Variants in WWOX observed in about 807,000 individuals in gnomAD.
WWOX encodes the protein WW domain containing oxidoreductase, also known as WW domain-containing oxidoreductase.
WWOX carries 69 observed loss-of-function variants against 46.2 expected under a neutral mutation model. The ratio of observed to expected loss-of-function variants is 1.49; its 90% CI spans 1.23 to 1.82. The LOEUF (loss-of-function observed/expected upper bound fraction) is 1.82, where lower values mean the gene tolerates loss of function less well. Among genes scored for constraint, WWOX ranks in the 40% most tolerant of loss-of-function variants. WWOX has a pLI of 0.00. For synonymous variants in WWOX, 359 were observed against 202.6 expected (o/e 1.77, Z -6.56); for missense variants, 919 against 542.6 (o/e 1.69, Z -6.89).
chr16:79,083,514 C>T (rs972649208), intron 8 of WWOX, among the ~76,000 whole-genome samples: 1 of 152,162 alleles, frequency 6.6e-6, no homozygotes, highest in Admixed American at 6.5e-5. Context: ...TCTCACCTGA[C>T]ACAAACGTTT....
At chr16:78,598,686 C>T (rs1002568486) in intron 8 of WWOX, among the ~76,000 whole-genome samples, 1 of 152,146 alleles carries the variant, frequency 6.6e-6, no homozygotes, top group Admixed American at 6.5e-5. Context: ...GAAGCAGGAG[C>T]ATCTCTCCCC....
chr16:78,817,493 A>C (rs1004357089), intron 8 of WWOX, among the ~76,000 whole-genome samples: 1 of 152,206 alleles, frequency 6.6e-6, no homozygotes. Context: ...CATAAGGCAC[A>C]CTGCAAAATA....
intron 8 of WWOX, among the ~76,000 whole-genome samples, chr16:79,182,744 A>G (rs2050937306): frequency 6.6e-6 from 1 of 152,142 alleles, no homozygotes; most frequent in Non-Finnish European, 1.5e-5. Flanking sequence ...TTTACTGCAT[A>G]GTTTTGTTAT....
chr16:78,937,362 C>T (rs746073396), intron 8 of WWOX, among the ~76,000 whole-genome samples: 10 of 150,448 alleles, frequency 6.6e-5, no homozygotes, highest in Non-Finnish European at 1.5e-4. Context: ...CAAAGACATC[C>T]TTTTTCTTTG....
intron 5 of WWOX, among the ~76,000 whole-genome samples, chr16:78,165,257 T>A (rs1458825057): frequency 6.6e-6 from 1 of 152,236 alleles, no homozygotes; most frequent in Non-Finnish European, 1.5e-5. Context: ...ATTCATTCAC[T>A]TTTCATTCAT....
intron 8 of WWOX, among the ~76,000 whole-genome samples, chr16:78,908,228 CA>C (rs1555564903): frequency 6.6e-6 from 1 of 152,042 alleles, no homozygotes; most frequent in Admixed American, 6.6e-5. Flanking sequence ...TTTATCAAGA[CA>C]GGGGGATTGC....
chr16:78,637,731 C>G (rs975297694), intron 8 of WWOX, among the ~76,000 whole-genome samples: 1 of 152,314 alleles, frequency 6.6e-6, no homozygotes, highest in Middle Eastern at 3.4e-3. Context: ...TTGAAAGGAG[C>G]TTTAAACACC....
intron 5 of WWOX, among the ~76,000 whole-genome samples, chr16:78,291,867 G>C (rs1356418855): frequency 6.6e-6 from 1 of 152,038 alleles, no homozygotes; most frequent in Non-Finnish European, 1.5e-5. Context: ...ATGGCCGCCA[G>C]CTGAGGGAGG....
At chr16:78,833,587 A>G (rs1421269115) in intron 8 of WWOX, among the ~76,000 whole-genome samples, 1 of 150,466 alleles carries the variant, frequency 6.6e-6, no homozygotes, top group African/African-American at 2.4e-5. Flanking sequence ...CTGATTTTTC[A>G]TAGTCTTTCG....
At chr16:78,840,192 AT>A (rs1317657487) in intron 8 of WWOX, among the ~76,000 whole-genome samples, 1 of 152,156 alleles carries the variant, frequency 6.6e-6, no homozygotes, top group Non-Finnish European at 1.5e-5. Context: ...TTGTGGAATA[AT>A]TTTTTAATAT....
intron 1 of WWOX, among the ~76,000 whole-genome samples, chr16:78,104,635 G>A (rs1317415749): frequency 1.3e-5 from 2 of 152,152 alleles, no homozygotes; most frequent in African/African-American, 4.8e-5. Context: ...CAAGCTCGTT[G>A]AAAGAATAAA....
intron 8 of WWOX, among the ~76,000 whole-genome samples, chr16:78,978,994 T>G (rs1439304317): frequency 6.6e-6 from 1 of 152,150 alleles, no homozygotes; most frequent in Non-Finnish European, 1.5e-5. Flanking sequence ...TGCAATCATT[T>G]TAGGCTATGA....
At chr16:78,197,477 G>C (rs1330217891) in intron 5 of WWOX, among the ~76,000 whole-genome samples, 1 of 152,024 alleles carries the variant, frequency 6.6e-6, no homozygotes, top group African/African-American at 2.4e-5. Context: ...AAATGTCTTT[G>C]GGATTAAAAA....
At chr16:78,775,915 A>G (rs1452852226) in intron 8 of WWOX, among the ~76,000 whole-genome samples, 1 of 152,202 alleles carries the variant, frequency 6.6e-6, no homozygotes, top group Non-Finnish European at 1.5e-5. Context: ...AATCCTTCAA[A>G]GACAAGGTCA....
At chr16:78,501,679 G>A (rs1443129850) in intron 8 of WWOX, among the ~76,000 whole-genome samples, 3 of 152,060 alleles carry the variant, frequency 2.0e-5, no homozygotes. Context: ...TAGGATTACA[G>A]GCATCCGCCA....
intron 8 of WWOX, among the ~76,000 whole-genome samples, chr16:78,862,780 A>G (rs1322682213): frequency 6.6e-6 from 1 of 152,138 alleles, no homozygotes; most frequent in Non-Finnish European, 1.5e-5. Flanking sequence ...AACAGATTGT[A>G]TGAAGCCACC....
chr16:78,233,544 T>TTTGG (rs2037338013), intron 5 of WWOX, among the ~76,000 whole-genome samples: 1 of 111,054 alleles, frequency 9.0e-6, no homozygotes, highest in Non-Finnish European at 1.9e-5. Context: ...TTTTTTTTTT[T>TTTGG]GAGATGGAGT....
chr16:78,951,442 A>T (rs1403256536), intron 8 of WWOX, among the ~76,000 whole-genome samples: 1 of 152,120 alleles, frequency 6.6e-6, no homozygotes, highest in Non-Finnish European at 1.5e-5. Flanking sequence ...TGGAATAAAG[A>T]CCACCTTAGA....
At position 79,088,923 on chromosome 16, in the gene WWOX, A is replaced by G. The variant is rs114825617; in HGVS notation, c.1057-122685A>G. On this transcript the variant is annotated intron_variant, in intron 8 of 8. Coordinates refer to ENST00000566780, the MANE Select transcript of WWOX (RefSeq NM_016373.4). ...CAAAGGATACTTCCTATTGGAGTGT[A>G]CTTTTAAAATCTATTTTTTTTGTCT... Among the ~76,000 whole-genome samples, 892 of 152,246 alleles carry G rather than the reference A, an allele frequency of 5.9e-3. 14 individuals carry two copies. The highest frequency in any genetic ancestry group is 0.021 in the African/African-American group (859 of 41,534).
Sources: gnomAD v4.1 joint callset for allele counts (sites outside exome capture counted in the v4.1 genomes callset) on GRCh38, gnomAD v4.1.1 for gene constraint, MANE v1.5 for transcripts, NCBI Gene and HGNC (gene_info 2026-07-23, HGNC 2026-07-21) for gene names.